U2AF2: variants seen among roughly 807,000 people sequenced by gnomAD.
U2AF2 encodes the protein splicing factor U2AF 65 kDa subunit.
Under a neutral mutation model 52.6 loss-of-function variants are expected in U2AF2, and 6 were observed. That is an observed-to-expected ratio of 0.11 (90% CI 0.06 to 0.23). The LOEUF (loss-of-function observed/expected upper bound fraction) is 0.23. U2AF2 is among the 10% of genes least tolerant of loss of function. U2AF2 has a pLI of 1.00. For missense variants in U2AF2, 222 were observed against 677.1 expected, an observed-to-expected ratio of 0.33 and a Z score of 7.46; for synonymous variants, 284 against 258.2, an observed-to-expected ratio of 1.10 and a Z score of -0.96.
intron 7 of U2AF2, among the ~76,000 whole-genome samples, chr19:55,666,032 C>T (rs1217543325): frequency 1.3e-5 from 2 of 152,194 alleles, no homozygotes; most frequent in African/African-American, 2.4e-5. Context: ...TGTGGTGGGC[C>T]TTGGGGAATA....
intron 3 of U2AF2, 50 bp from the exon 4 acceptor site, chr19:55,660,466 T>G (rs755880440): frequency 4.3e-6 from 5 of 1,170,660 alleles, no homozygotes; most frequent in Non-Finnish European, 6.4e-6. Context: ...GGCCCACTGT[T>G]GGTCAGACTG....
At chr19:55,662,642 TCCAGGAAACGTGTGTGATGTGAGGGC>T (rs756769627) in intron 6 of U2AF2, 24 bp downstream of exon 6, 2 of 1,599,194 alleles carry the variant, frequency 1.3e-6, no homozygotes, top group African/African-American at 1.3e-5. Context: ...GTGAGTGAGG[TCCAGGAAACGTGTGTGATGTGAGGGC>T]CCAGCCCTTA....
Position 55,660,511 on chromosome 19 carries a change from C to CCCCCGGGGGGG in U2AF2, c.231-3_231-2insCCGGGGGGGCC. The CCCCCGGGGGGG allele has an allele frequency of 6.6e-7, 1 of 1,525,994 alleles. No homozygotes were observed. Among genetic ancestry groups the CCCCCGGGGGGG allele is most frequent in the Non-Finnish European group, 9.0e-7 (1 of 1,111,590 alleles). The allele number at this position is 1,525,994 out of a possible 1,614,324, so 94.5% of individuals were successfully genotyped here. ...TGCCCCGCTCTCCCCTCCCACCTCC[C>CCCCCGGGGGGG]CCAGTCGTTCCCCCCGCCACGAGAA... On this transcript the variant is annotated splice_polypyrimidine_tract_variant and splice_region_variant and intron_variant, in intron 3 of 11. Coordinates refer to ENST00000308924, the MANE Select transcript of U2AF2 (RefSeq NM_007279.3).
In U2AF2 at chr19:55,659,187, C is replaced by T. The variant is rs529212917; in HGVS notation, c.50-23C>T. On this transcript the variant is annotated intron_variant, in intron 1 of 11. Transcript: ENST00000308924. ...GCATCCTTACTCCGCTTATCCCGTG[C>T]CCCTCCTCTCACCCTTGCCCAGAGC... 3.9e-6 allele frequency: 6 copies of T among 1,528,240 alleles called. No homozygotes were observed. In the East Asian group the frequency reaches 7.4e-5, roughly 19 times the overall value. 94.7% of individuals were successfully genotyped at this position (1,528,240 alleles called of 1,614,324 possible). A position where few individuals can be genotyped will look rare whatever the true frequency, so the allele number is the denominator to read the frequency against.
At chr19:55,673,714 C>T (rs895745851) in intron 11 of U2AF2, among the ~76,000 whole-genome samples, 4 of 152,218 alleles carry the variant, frequency 2.6e-5, no homozygotes, top group Admixed American at 6.5e-5. Flanking sequence ...ATTCTTTCTC[C>T]CTCTCCATGC....
rs888123304 is a variant in U2AF2 at position 55,671,047 on chromosome 19, G to A, written c.1293+1355G>A. ...AGATCGGGCGTGGGGGCCTTCTTAT[G>A]TCATGGAAGCAGCTCGGCTTTCCCC... On this transcript the variant is annotated intron_variant, in intron 11 of 11. Coordinates refer to ENST00000308924, the MANE Select transcript of U2AF2 (RefSeq NM_007279.3). Among the ~76,000 whole-genome samples the A allele has an allele frequency of 3.9e-5, 6 of 152,292 alleles. No individual in the cohort carries two copies. In the East Asian group the frequency reaches 1.2e-3, roughly 29 times the overall value.
intron 7 of U2AF2, among the ~76,000 whole-genome samples, chr19:55,666,112 A>G (rs1984534171): frequency 6.6e-6 from 1 of 152,138 alleles, no homozygotes; most frequent in Admixed American, 6.6e-5. Flanking sequence ...TCTGAAGGTG[A>G]TGGGGTGCTC....
At chr19:55,671,443 G>A (rs1377704990) in intron 11 of U2AF2, 1 of 152,092 alleles carries the variant, frequency 6.6e-6, no homozygotes, top group Non-Finnish European at 1.5e-5. Flanking sequence ...GAGACACCCA[G>A]TAGAGATGTC....
Position 55,663,854 on chromosome 19 carries a change from G to A in U2AF2, c.742+110G>A, listed in dbSNP as rs114039699. 1.9e-3 allele frequency: 2,885 copies of A among 1,486,236 alleles called. 51 individuals carry two copies. In the African/African-American group the frequency reaches 0.036, roughly 19 times the overall value. 92.1% of individuals were successfully genotyped at this position (1,486,236 alleles called of 1,614,324 possible). A position where few individuals can be genotyped will look rare whatever the true frequency, so the allele number is the denominator to read the frequency against. ...CTTAGGAAGTTGTGTAAGTACTGTG[G>A]AAGATAGGTGCCTTTTCCCTGCTTC... On this transcript the variant is annotated intron_variant, in intron 7 of 11. Transcript: ENST00000308924.
intron 6 of U2AF2, among the ~76,000 whole-genome samples, chr19:55,662,848 C>T (rs1373234169): frequency 6.6e-6 from 1 of 152,088 alleles, no homozygotes; most frequent in African/African-American, 2.4e-5. Context: ...CCTCTGTAGA[C>T]CTCTTTGGCC....
In U2AF2 at chr19:55,668,051, A is replaced by G. The variant is rs1390704982; in HGVS notation, c.743-456A>G. The stretch of plus-strand genomic sequence containing the variant: ...CCCGCCTTGGCCTCCCAAAGTGCTG[A>G]GATTACAGGCGTGAGCCCCCGCGCC... On this transcript the variant is annotated intron_variant, in intron 7 of 11. Transcript: ENST00000308924. This position sits in a 1 kb window ranked among gnomAD's most constrained non-coding sequence, Gnocchi z 5.5. Among the ~76,000 whole-genome samples, 1 of 151,768 alleles carries G rather than the reference A, an allele frequency of 6.6e-6. No individual in the cohort carries two copies. Among genetic ancestry groups the G allele is most frequent in the Non-Finnish European group, 1.5e-5 (1 of 67,960 alleles).
In U2AF2 at chr19:55,669,569, G is replaced by A. The variant is rs1208776372; in HGVS notation, c.1170G>A (p.Leu390=). 2 of 1,613,930 alleles carry A rather than the reference G, an allele frequency of 1.2e-6. No homozygotes were observed. Among genetic ancestry groups the A allele is most frequent in the East Asian group, 2.2e-5 (1 of 44,880 alleles). Residue 390 remains leucine, a synonymous_variant, in exon 11 of 12, where the codon CTG becomes CTA. Coordinates refer to ENST00000308924, the MANE Select transcript of U2AF2 (RefSeq NM_007279.3). The part of the protein sequence containing the change: ...LMNMVLPEEL[L]DDEEYEEIVE... ...ACATGGTGCTGCCTGAGGAGCTGCTGGACGACGAGGAGTATGAGGAGATCG... is the reference window on the plus strand; with the variant it reads ...ACATGGTGCTGCCTGAGGAGCTGCTAGACGACGAGGAGTATGAGGAGATCG...
At position 55,674,171 on chromosome 19, in the gene U2AF2, C is replaced by CGCAGACACACGACA; in HGVS notation, c.*106_*119dup. 1.8e-6 allele frequency: 2 copies of CGCAGACACACGACA among 1,136,744 alleles called. No homozygotes were observed. The highest frequency in any genetic ancestry group is 2.3e-6 in the Non-Finnish European group (2 of 881,016). The allele number at this position is 1,136,744 out of a possible 1,614,324, so 70.4% of individuals were successfully genotyped here. ...AGACGATGGGCAGAGGAGTGACAGC[C>CGCAGACACACGACA]GCAGACACACGACAGCCGGCAGCAA... On this transcript the variant is annotated 3_prime_UTR_variant, in exon 12 of 12. Transcript: ENST00000308924.
At chr19:55,659,428 C>T in intron 2 of U2AF2, 83 bp downstream of exon 2, 1 of 1,383,484 alleles carries the variant, frequency 7.2e-7, no homozygotes, top group Non-Finnish European at 9.4e-7. Flanking sequence ...CTGTGTGTGT[C>T]TGTGTCTGGG....
rs12232883 is a variant in U2AF2, at chr19:55,670,149, C to T, written c.1293+457C>T. 9.0e-3 allele frequency among the ~76,000 whole-genome samples: 1,371 copies of T among 152,114 alleles called. 63 individuals are homozygous for T. The East Asian group carries it at 0.12, about 13-fold the overall frequency. On this transcript the variant is annotated intron_variant, in intron 11 of 11. Coordinates refer to ENST00000308924, the MANE Select transcript of U2AF2 (RefSeq NM_007279.3). ...GTCTGTGCTCACCCTGAGCCCTCCC[C>T]GTAGCCCCTGAGCCCCATCGTGGAA...
chr19:55,660,419 C>T (rs1195481387), intron 3 of U2AF2, 97 bp from the exon 4 acceptor site: 23 of 1,128,030 alleles, frequency 2.0e-5, no homozygotes, highest in East Asian at 7.5e-5. Flanking sequence ...TACATGGTTG[C>T]GGGGAGGGTG....
Position 55,668,926 on chromosome 19 carries a change from G to T in U2AF2, c.945+134G>T. On this transcript the variant is annotated intron_variant, in intron 9 of 11. Coordinates refer to ENST00000308924, the MANE Select transcript of U2AF2 (RefSeq NM_007279.3). This position sits in a 1 kb window ranked among gnomAD's most constrained non-coding sequence, Gnocchi z 5.5. ...GAGGCAGTGCCCTGTGTGTGGGCTC[G>T]TCCCTGTCCCATGGCGTTGGCTTTT... The T allele has an allele frequency of 6.6e-7, 1 of 1,506,148 alleles. No homozygotes were observed. The highest frequency in any genetic ancestry group is 1.3e-5 in the South Asian group (1 of 78,640). 93.3% of individuals were successfully genotyped at this position (1,506,148 alleles called of 1,614,324 possible).
chr19:55,672,175 A>G (rs566739956), intron 11 of U2AF2: 1 of 152,094 alleles, frequency 6.6e-6, no homozygotes, highest in African/African-American at 2.4e-5. Flanking sequence ...TTATTCTTAA[A>G]TTTTTTGTTA....
Position 55,660,158 on chromosome 19 carries a change from T to TTTCCCCCCCCCCCCCCCCCAACCC in U2AF2, c.186-14_186-13insCCCCCCCCCCCCCCAACCCTTCCC. On this transcript the variant is annotated intron_variant, in intron 2 of 11. Coordinates refer to ENST00000308924, the MANE Select transcript of U2AF2 (RefSeq NM_007279.3). ...GTCCCCAGTCACCCCTCCCCATACC[T>TTTCCCCCCCCCCCCCCCCCAACCC]TTCCCTCCCACCCCCCAGCAAACCT... The TTTCCCCCCCCCCCCCCCCCAACCC allele has an allele frequency of 8.5e-7, 1 of 1,176,238 alleles. No homozygotes were observed. The allele number at this position is 1,176,238 out of a possible 1,614,324, so 72.9% of individuals were successfully genotyped here.
Sources: allele counts gnomAD v4.1 joint callset (sites outside exome capture counted in the v4.1 genomes callset), GRCh38; gene constraint gnomAD v4.1.1; non-coding constraint Gnocchi (gnomAD v3.1); transcripts MANE v1.5; gene names NCBI Gene and HGNC (gene_info 2026-07-23, HGNC 2026-07-21).